Variants in PCDHAC1 observed in about 807,000 individuals in gnomAD.
The protein encoded by PCDHAC1 is protocadherin alpha-C1.
PCDHAC1 carries 42 observed loss-of-function variants against 60.0 expected under a neutral mutation model. The ratio of observed to expected loss-of-function variants is 0.70; its 90% CI spans 0.55 to 0.90. The LOEUF is 0.90. Ranked by LOEUF, PCDHAC1 falls within the 40% of genes least tolerant of loss-of-function variation. PCDHAC1 has a pLI of 0.00. For synonymous variants in PCDHAC1, 468 were observed against 499.3 expected (o/e 0.94, Z 0.84); for missense variants, 1,160 against 1,222.3 (o/e 0.95, Z 0.76).
At chr5:140,958,586 T>A (rs561856247) in intron 1 of PCDHAC1, among the ~76,000 whole-genome samples, 11 of 152,266 alleles carry the variant, frequency 7.2e-5, no homozygotes, top group African/African-American at 2.6e-4. Flanking sequence ...TAAATGAGCT[T>A]ATGATAATTG....
At chr5:140,961,591 T>C (rs1280839822) in intron 1 of PCDHAC1, among the ~76,000 whole-genome samples, 1 of 152,190 alleles carries the variant, frequency 6.6e-6, no homozygotes, top group African/African-American at 2.4e-5. Flanking sequence ...ATTTTGGCAA[T>C]GATTCTAGTA....
At position 140,927,886 on chromosome 5, in the gene PCDHAC1, G is replaced by C; in HGVS notation, c.994G>C (p.Asp332His). The C allele has an allele frequency of 6.2e-7, 1 of 1,614,210 alleles. No homozygotes were observed. Among genetic ancestry groups the C allele is most frequent in the Non-Finnish European group, 8.5e-7 (1 of 1,180,036 alleles). ...CGCTAAACTGCTGGTGGAGGTGACT[G>C]ACGTGAACGATCATGCCCCCGAACT... is the stretch of plus-strand genomic sequence containing the variant. ...STAKLLVEVTDVNDHAPELDF... is the reference protein window; with the variant it reads ...STAKLLVEVTHVNDHAPELDF... Residue 332 changes from aspartate (D) to histidine (H), a missense_variant, in exon 1 of 4, where the codon GAC becomes CAC. Transcript: ENST00000253807.
intron 1 of PCDHAC1, among the ~76,000 whole-genome samples, chr5:140,978,595 G>A (rs2096811492): frequency 6.6e-6 from 1 of 152,214 alleles, no homozygotes; most frequent in African/African-American, 2.4e-5. Flanking sequence ...CCTTAATGGG[G>A]CACTTGAGGG....
intron 1 of PCDHAC1, among the ~76,000 whole-genome samples, chr5:140,977,637 T>C (rs1440093548): frequency 6.6e-6 from 1 of 152,228 alleles, no homozygotes; most frequent in Non-Finnish European, 1.5e-5. Flanking sequence ...TAACTTTTTC[T>C]GGGCCTTGAC....
chr5:140,929,645 C>G (rs1271694172), intron 1 of PCDHAC1: 1 of 366,374 alleles, frequency 2.7e-6, no homozygotes, highest in Non-Finnish European at 5.0e-6. Context: ...ATGTGTAAGG[C>G]ACTCTAATAT....
At chr5:140,989,060 G>A (rs1233023153) in intron 3 of PCDHAC1, 1 of 152,138 alleles carries the variant, frequency 6.6e-6, no homozygotes, top group Non-Finnish European at 1.5e-5. Context: ...CTACATTGAG[G>A]CAATACAGTC....
At chr5:140,990,114 A>G (rs1392233617) in intron 3 of PCDHAC1, among the ~76,000 whole-genome samples, 9 of 151,936 alleles carry the variant, frequency 5.9e-5, no homozygotes, top group Admixed American at 4.6e-4. Flanking sequence ...GGAAATTGAG[A>G]GCTCTGTAGA....
chr5:140,969,354 T>G, intron 1 of PCDHAC1: 1 of 1,612,552 alleles, frequency 6.2e-7, no homozygotes. Context: ...TCAGGGGGTC[T>G]TCTACAAACT....
intron 1 of PCDHAC1, among the ~76,000 whole-genome samples, chr5:140,956,861 A>T (rs2095316106): frequency 6.6e-6 from 1 of 152,194 alleles, no homozygotes; most frequent in Non-Finnish European, 1.5e-5. Flanking sequence ...TGGTTGAATG[A>T]ATGTGTGAAA....
chr5:140,988,051 T>C (rs903060920), intron 3 of PCDHAC1, among the ~76,000 whole-genome samples: 2 of 152,240 alleles, frequency 1.3e-5, no homozygotes, highest in African/African-American at 2.4e-5. Flanking sequence ...TTAGGAGCAC[T>C]GTCAACATGA....
chr5:140,929,308 G>A lies in PCDHAC1; in HGVS notation c.2416G>A (p.Ala806Thr). ...GATTCGGAATAGGAAAGGGGATCACGCTAATGTCAATGCCATGGTAAGCAA... is the reference window on the plus strand; with the variant it reads ...GATTCGGAATAGGAAAGGGGATCACACTAATGTCAATGCCATGGTAAGCAA... ...IQIRNRKGDH[A>T]NVNAMPRQPN... The change falls in exon 1 of 4, where the codon GCT becomes ACT. Residue 806 changes from alanine to threonine, a missense_variant. Ala to Thr is a moderately conservative substitution (Grantham distance 58). Transcript: ENST00000253807. 1.9e-6 allele frequency: 3 copies of A among 1,569,682 alleles called. No individual in the cohort carries two copies. The highest frequency in any genetic ancestry group is 2.3e-5 in the East Asian group (1 of 44,154).
chr5:141,003,684 A>C (rs1425078507), intron 3 of PCDHAC1, among the ~76,000 whole-genome samples: 1 of 152,240 alleles, frequency 6.6e-6, no homozygotes, highest in Non-Finnish European at 1.5e-5. Flanking sequence ...TTCTGATTTT[A>C]AAATATATCC....
At position 140,944,693 on chromosome 5, in the gene PCDHAC1, G is replaced by A. The variant is rs191002677; in HGVS notation, c.2433+15368G>A. 1.7e-3 allele frequency among the ~76,000 whole-genome samples: 252 copies of A among 152,248 alleles called. No homozygotes were observed. In the Middle Eastern group the frequency reaches 0.017, roughly 10 times the overall value. On this transcript the variant is annotated intron_variant, in intron 1 of 3. Coordinates refer to ENST00000253807, the MANE Select transcript of PCDHAC1 (RefSeq NM_018898.5). ...TATTCTGTGTATCCTATTAATAACA[G>A]TAATTATCAGGTTATTTTGCCTTTG...
At chr5:140,967,072 C>T in intron 1 of PCDHAC1, 1 of 1,613,106 alleles carries the variant, frequency 6.2e-7, no homozygotes, top group Non-Finnish European at 8.5e-7. Flanking sequence ...TCTTCGTCAA[C>T]GAGCGCATTG....
chr5:141,004,531 C>A (rs1051693064), intron 3 of PCDHAC1, among the ~76,000 whole-genome samples: 2 of 152,234 alleles, frequency 1.3e-5, no homozygotes, highest in Admixed American at 1.3e-4. Flanking sequence ...ATACACACAG[C>A]CATTAATGTC....
intron 1 of PCDHAC1, among the ~76,000 whole-genome samples, chr5:140,955,355 G>A (rs1406631698): frequency 1.3e-5 from 2 of 152,086 alleles, no homozygotes; most frequent in African/African-American, 4.8e-5. Flanking sequence ...GTTGTGAGAG[G>A]GACCCAGTGG....
At chr5:140,984,973 T>C (rs1397062066) in intron 3 of PCDHAC1, among the ~76,000 whole-genome samples, 1 of 152,150 alleles carries the variant, frequency 6.6e-6, no homozygotes, top group Non-Finnish European at 1.5e-5. Context: ...AGTCTCGCTC[T>C]GTCCCCCAGG....
chr5:140,989,528 G>A (rs1451731382), intron 3 of PCDHAC1, among the ~76,000 whole-genome samples: 2 of 152,178 alleles, frequency 1.3e-5, no homozygotes, highest in African/African-American at 4.8e-5. Context: ...GGCAGAGGAG[G>A]AAGATAGTTT....
chr5:140,978,802 T>C, intron 1 of PCDHAC1, 147 bp from the exon 2 acceptor site: 1 of 1,483,264 alleles, frequency 6.7e-7, no homozygotes, highest in Non-Finnish European at 9.0e-7. Flanking sequence ...TATGTAGATA[T>C]CATCATAGAG....
Sources: gnomAD v4.1 joint callset for allele counts (sites outside exome capture counted in the v4.1 genomes callset) on GRCh38, gnomAD v4.1.1 for gene constraint, MANE v1.5 for transcripts, NCBI Gene and HGNC (gene_info 2026-07-23, HGNC 2026-07-21) for gene names.